NPSR1: variants seen among roughly 807,000 people sequenced by gnomAD.
The protein encoded by NPSR1 is neuropeptide S receptor 1, also known as neuropeptide S receptor.
Under a neutral mutation model 46.9 loss-of-function variants are expected in NPSR1, and 48 were observed. The ratio of observed to expected loss-of-function variants is 1.02; its 90% CI spans 0.81 to 1.30. The LOEUF (loss-of-function observed/expected upper bound fraction) is 1.30, where lower values mean the gene tolerates loss of function less well. Among genes scored for constraint, NPSR1 ranks in the 50% most tolerant of loss-of-function variants. The probability of loss-of-function intolerance (pLI) is 0.00; values close to 1 mark genes in which losing one functional copy is unlikely to be tolerated. For missense variants in NPSR1, 450 were observed against 449.5 expected, an observed-to-expected ratio of 1.00 and a Z score of -0.01; for synonymous variants, 176 against 168.1, an observed-to-expected ratio of 1.05 and a Z score of -0.36.
intron 2 of NPSR1, among the ~76,000 whole-genome samples, chr7:34,776,997 G>C (rs1255451722): frequency 6.6e-6 from 1 of 152,120 alleles, no homozygotes; most frequent in Non-Finnish European, 1.5e-5. Context: ...TTAAGTGGAA[G>C]AAAGAGACCT....
intron 1 of NPSR1, among the ~76,000 whole-genome samples, chr7:34,667,182 C>T (rs73691476): frequency 6.4e-4 from 97 of 152,334 alleles, no homozygotes; most frequent in African/African-American, 1.7e-3. Flanking sequence ...GAGCCATGGG[C>T]TCTGGACCTG....
intron 2 of NPSR1, among the ~76,000 whole-genome samples, chr7:34,752,507 T>G (rs1245980154): frequency 6.6e-6 from 1 of 152,152 alleles, no homozygotes; most frequent in Non-Finnish European, 1.5e-5. Context: ...TTGATGGGCT[T>G]TTGTTACATT....
chr7:34,761,974 G>A (rs1441507990), intron 2 of NPSR1, among the ~76,000 whole-genome samples: 1 of 152,102 alleles, frequency 6.6e-6, no homozygotes, highest in Admixed American at 6.6e-5. Flanking sequence ...AGTTTTTTGT[G>A]GCCCAGCAAT....
intron 3 of NPSR1, among the ~76,000 whole-genome samples, chr7:34,805,466 G>C (rs1584061838): frequency 1.1e-5 from 1 of 93,124 alleles, no homozygotes; most frequent in Non-Finnish European, 1.9e-5. Flanking sequence ...AAGAGTGGTT[G>C]AATATCCACA....
intron 2 of NPSR1, among the ~76,000 whole-genome samples, chr7:34,701,481 C>T (rs1439333100): frequency 6.6e-6 from 1 of 152,186 alleles, no homozygotes; most frequent in Non-Finnish European, 1.5e-5. Context: ...CCTGTTAACA[C>T]AGTATGTAAG....
intron 8 of NPSR1, among the ~76,000 whole-genome samples, chr7:34,862,551 T>C (rs1791214065): frequency 6.6e-6 from 1 of 151,904 alleles, no homozygotes; most frequent in Non-Finnish European, 1.5e-5. Context: ...CTAGTGTGGT[T>C]TCTCTTTCTT....
At chr7:34,864,342 G>A (rs1215775836) in intron 8 of NPSR1, among the ~76,000 whole-genome samples, 1 of 149,318 alleles carries the variant, frequency 6.7e-6, no homozygotes, top group Non-Finnish European at 1.5e-5. Context: ...TGCACGTTCT[G>A]CACATGTATC....
chr7:34,750,887 C>T, intron 2 of NPSR1: 1 of 712,534 alleles, frequency 1.4e-6, no homozygotes, highest in African/African-American at 1.7e-5. Context: ...AGAACTGCTT[C>T]ATAATGGTGT....
intron 6 of NPSR1, among the ~76,000 whole-genome samples, chr7:34,842,904 A>G (rs1329172745): frequency 6.6e-6 from 1 of 152,180 alleles, no homozygotes; most frequent in Non-Finnish European, 1.5e-5. Context: ...CTCTCCACGC[A>G]TTTGTAGGCT....
chr7:34,842,549 T>G (rs1205857278), intron 6 of NPSR1, among the ~76,000 whole-genome samples: 1 of 152,216 alleles, frequency 6.6e-6, no homozygotes, highest in Non-Finnish European at 1.5e-5. Context: ...CAATGGAGAA[T>G]CACTGCTCTA....
At chr7:34,730,560 C>A (rs1411837836) in intron 2 of NPSR1, among the ~76,000 whole-genome samples, 1 of 152,178 alleles carries the variant, frequency 6.6e-6, no homozygotes, top group Non-Finnish European at 1.5e-5. Context: ...ATGTTTAAAA[C>A]AATTGGATGT....
chr7:34,734,497 A>G (rs1784578604), intron 2 of NPSR1, among the ~76,000 whole-genome samples: 1 of 152,224 alleles, frequency 6.6e-6, no homozygotes, highest in African/African-American at 2.4e-5. Context: ...AAGCTTTGAA[A>G]AAAAACACTA....
At chr7:34,661,868 G>T (rs1013959233) in intron 1 of NPSR1, among the ~76,000 whole-genome samples, 23 of 152,146 alleles carry the variant, frequency 1.5e-4, no homozygotes, top group African/African-American at 5.1e-4. Context: ...TGCGTTTCAA[G>T]AATCTACCAG....
At chr7:34,871,194 G>C (rs1004132904) in intron 8 of NPSR1, among the ~76,000 whole-genome samples, 2 of 151,674 alleles carry the variant, frequency 1.3e-5, no homozygotes, top group African/African-American at 4.9e-5. Context: ...AATAATGGCA[G>C]AAGGTGACAG....
intron 8 of NPSR1, among the ~76,000 whole-genome samples, chr7:34,862,784 C>T (rs1030052958): frequency 6.6e-6 from 1 of 151,696 alleles, no homozygotes; most frequent in Non-Finnish European, 1.5e-5. Context: ...ACCAATGCAC[C>T]CAAGACAGTC....
intron 8 of NPSR1, among the ~76,000 whole-genome samples, chr7:34,865,867 C>T (rs1328686161): frequency 6.6e-6 from 1 of 151,642 alleles, no homozygotes; most frequent in Non-Finnish European, 1.5e-5. Flanking sequence ...AATAAGGATC[C>T]TGGATGCATT....
Position 34,848,676 on chromosome 7 carries a change from C to T in NPSR1, c.1025+13C>T. Reference sequence around the variant, plus strand: ...CTTTCCCCTGCAGGTAAGGGGAGCTCTTGCATGGGTCAGACACACTGATGG... The same window carrying T: ...CTTTCCCCTGCAGGTAAGGGGAGCTTTTGCATGGGTCAGACACACTGATGG... On this transcript the variant is annotated intron_variant, in intron 8 of 8. Coordinates refer to ENST00000360581, the MANE Select transcript of NPSR1 (RefSeq NM_207172.2). 6.2e-7 allele frequency: 1 copy of T among 1,610,854 alleles called. No individual in the cohort carries two copies. The highest frequency in any genetic ancestry group is 1.3e-5 in the African/African-American group (1 of 75,008).
At chr7:34,810,511 G>A (rs1311693536) in intron 3 of NPSR1, among the ~76,000 whole-genome samples, 2 of 152,174 alleles carry the variant, frequency 1.3e-5, no homozygotes, top group African/African-American at 2.4e-5. Flanking sequence ...TGAGCCTAAT[G>A]AAGTGGATGA....
At chr7:34,842,971 A>G (rs1790623392) in intron 6 of NPSR1, among the ~76,000 whole-genome samples, 1 of 152,090 alleles carries the variant, frequency 6.6e-6, no homozygotes, top group African/African-American at 2.4e-5. Context: ...TTCTTGTTCC[A>G]TGTCTTGGCT....
Sources: gnomAD v4.1 joint callset for allele counts (sites outside exome capture counted in the v4.1 genomes callset) on GRCh38, gnomAD v4.1.1 for gene constraint, MANE v1.5 for transcripts, NCBI Gene and HGNC (gene_info 2026-07-23, HGNC 2026-07-21) for gene names.